The following MCPH1 variants were observed in gnomAD, a reference collection of about 807,000 sequenced individuals.
MCPH1 encodes the protein microcephalin.
In MCPH1, 104 loss-of-function variants were observed where a neutral mutation model predicts 84.5. That is an observed-to-expected ratio of 1.23 (90% confidence interval 1.05 to 1.45). The LOEUF (loss-of-function observed/expected upper bound fraction) is 1.45. MCPH1 is among the 40% of genes most tolerant of loss of function. MCPH1 has a pLI of 0.00. For missense variants in MCPH1, 1,498 were observed against 1,005.7 expected, an observed-to-expected ratio of 1.49 and a Z score of -6.62; for synonymous variants, 514 against 366.8, an observed-to-expected ratio of 1.40 and a Z score of -4.58.
chr8:6,561,714 T>C (rs1252242698), intron 12 of MCPH1, among the ~76,000 whole-genome samples: 1 of 152,228 alleles, frequency 6.6e-6, no homozygotes, highest in Non-Finnish European at 1.5e-5. Flanking sequence ...AGAATATATA[T>C]AGTCCATATA....
chr8:6,565,627 TAGAA>T (rs1826084401), intron 12 of MCPH1, among the ~76,000 whole-genome samples: 1 of 152,118 alleles, frequency 6.6e-6, no homozygotes, highest in African/African-American at 2.4e-5. Context: ...AAGGAACAAA[TAGAA>T]AGAGGGCACA....
At chr8:6,460,942 T>C (rs939926728) in intron 9 of MCPH1, among the ~76,000 whole-genome samples, 1 of 152,210 alleles carries the variant, frequency 6.6e-6, no homozygotes, top group Middle Eastern at 3.2e-3. Context: ...TTCAAACTAC[T>C]TAGTCCACCA....
intron 12 of MCPH1, among the ~76,000 whole-genome samples, chr8:6,613,281 A>C (rs914673289): frequency 6.6e-6 from 1 of 152,220 alleles, no homozygotes; most frequent in African/African-American, 2.4e-5. Flanking sequence ...AGCCGGGTAG[A>C]AACAGTGGAT....
chr8:6,418,788 G>A (rs915326842), intron 3 of MCPH1, among the ~76,000 whole-genome samples: 2 of 151,932 alleles, frequency 1.3e-5, no homozygotes, highest in African/African-American at 4.8e-5. Flanking sequence ...CACCATGTTG[G>A]CCAGGATGAT....
intron 11 of MCPH1, among the ~76,000 whole-genome samples, chr8:6,495,519 G>T (rs1486346917): frequency 2.0e-5 from 3 of 152,186 alleles, no homozygotes; most frequent in African/African-American, 7.2e-5. Flanking sequence ...AAAATCAATT[G>T]CCCTAACTAC....
At chr8:6,609,627 G>C (rs745328782) in intron 12 of MCPH1, among the ~76,000 whole-genome samples, 4 of 152,174 alleles carry the variant, frequency 2.6e-5, no homozygotes, top group Non-Finnish European at 4.4e-5. Context: ...ATTTGCATGT[G>C]GCTTTTGGAA....
At chr8:6,552,264 G>A (rs1823774932) in intron 12 of MCPH1, among the ~76,000 whole-genome samples, 1 of 152,160 alleles carries the variant, frequency 6.6e-6, no homozygotes, top group African/African-American at 2.4e-5. Flanking sequence ...GACTCACACT[G>A]AACCTGAAGG....
chr8:6,448,666 T>C (rs1804713554), intron 8 of MCPH1, among the ~76,000 whole-genome samples: 1 of 152,230 alleles, frequency 6.6e-6, no homozygotes, highest in African/African-American at 2.4e-5. Flanking sequence ...CAAATAGATA[T>C]TTTAAGAGAA....
At chr8:6,416,545 C>T (rs1200577216) in intron 3 of MCPH1, among the ~76,000 whole-genome samples, 1 of 152,128 alleles carries the variant, frequency 6.6e-6, no homozygotes, top group Non-Finnish European at 1.5e-5. Context: ...ATATGGTTGT[C>T]AGATGTTTTT....
chr8:6,633,746 C>A (rs1234013662), intron 13 of MCPH1, among the ~76,000 whole-genome samples: 3 of 152,194 alleles, frequency 2.0e-5, no homozygotes, highest in Non-Finnish European at 4.4e-5. Flanking sequence ...AACGCAGATT[C>A]CCCACGATAC....
intron 12 of MCPH1, among the ~76,000 whole-genome samples, chr8:6,597,809 A>T (rs1298052795): frequency 6.6e-6 from 1 of 151,984 alleles, no homozygotes; most frequent in African/African-American, 2.4e-5. Flanking sequence ...TCCTTCCGTG[A>T]CCCACATCAC....
chr8:6,529,648 A>G (rs1477532296), intron 12 of MCPH1, among the ~76,000 whole-genome samples: 1 of 117,874 alleles, frequency 8.5e-6, no homozygotes, highest in Admixed American at 9.2e-5. Flanking sequence ...TTTTTTTGGT[A>G]GAGATGGGGT....
At chr8:6,609,063 A>G (rs1389011531) in intron 12 of MCPH1, among the ~76,000 whole-genome samples, 1 of 152,134 alleles carries the variant, frequency 6.6e-6, no homozygotes, top group Non-Finnish European at 1.5e-5. Flanking sequence ...TTTCAATGAC[A>G]TTGTGGACCT....
intron 4 of MCPH1, among the ~76,000 whole-genome samples, chr8:6,432,194 T>A (rs1801940057): frequency 6.6e-6 from 1 of 152,218 alleles, no homozygotes; most frequent in Non-Finnish European, 1.5e-5. Flanking sequence ...AGTCTCAAAC[T>A]CCTGGCCCCA....
At chr8:6,472,505 G>A (rs2515587) in intron 9 of MCPH1, among the ~76,000 whole-genome samples, 98,545 of 151,952 alleles carry the variant, frequency 0.65, 35,946 homozygotes, top group Non-Finnish European at 0.81. Flanking sequence ...TCACTCTGTC[G>A]CCCAGGCTGG....
chr8:6,416,821 C>G (rs1228073063), intron 3 of MCPH1, among the ~76,000 whole-genome samples: 1 of 77,360 alleles, frequency 1.3e-5, no homozygotes, highest in Non-Finnish European at 3.9e-5. Flanking sequence ...TGGTAAAACC[C>G]TATCTCTATT....
In MCPH1 at chr8:6,643,455, G is replaced by A. The variant is rs1211052209; in HGVS notation, c.*406G>A. 1.6e-5 allele frequency: 4 copies of A among 249,778 alleles called. No homozygotes were observed. The highest frequency in any genetic ancestry group is 2.4e-5 in the Non-Finnish European group (3 of 127,044). 15.5% of individuals were successfully genotyped at this position (249,778 alleles called of 1,614,324 possible). A position where few individuals can be genotyped will look rare whatever the true frequency, so the allele number is the denominator to read the frequency against. On this transcript the variant is annotated 3_prime_UTR_variant, in exon 14 of 14. Transcript: ENST00000344683. ...AATTTTTGTAGTTTTAGTAGAGACAGGGTTTCGCCATGTTGGCCAGGCTGG... is the reference window on the plus strand; with the variant it reads ...AATTTTTGTAGTTTTAGTAGAGACAAGGTTTCGCCATGTTGGCCAGGCTGG...
At chr8:6,640,095 TGTGCGC>T (rs1460478812) in intron 13 of MCPH1, among the ~76,000 whole-genome samples, 83 of 138,650 alleles carry the variant, frequency 6.0e-4, no homozygotes, top group Non-Finnish European at 9.6e-4. Context: ...TGTGTGTGTG[TGTGCGC>T]GCGCGTGTGT....
chr8:6,551,815 G>T (rs1001193345), intron 12 of MCPH1, among the ~76,000 whole-genome samples: 3 of 152,120 alleles, frequency 2.0e-5, no homozygotes, highest in Admixed American at 1.3e-4. Context: ...CTGTTTTTCA[G>T]CAAAATACAA....
Sources: allele counts gnomAD v4.1 joint callset (sites outside exome capture counted in the v4.1 genomes callset), GRCh38; gene constraint gnomAD v4.1.1; transcripts MANE v1.5; gene names NCBI Gene and HGNC (gene_info 2026-07-23, HGNC 2026-07-21).